ZNF839: variants seen among roughly 807,000 people sequenced by gnomAD.
ZNF839 encodes the protein renal carcinoma antigen NY-REN-50.
Under a neutral mutation model 56.4 loss-of-function variants are expected in ZNF839, and 38 were observed. The ratio of observed to expected loss-of-function variants is 0.67; its 90% CI spans 0.52 to 0.88. The LOEUF (loss-of-function observed/expected upper bound fraction) is 0.88, where lower values mean the gene tolerates loss of function less well. ZNF839 is among the 40% of genes least tolerant of loss of function. The pLI is 0.00. For synonymous variants in ZNF839, 486 were observed against 493.5 expected (o/e 0.98, Z 0.20); for missense variants, 1,091 against 1,177.6 (o/e 0.93, Z 1.08).
At position 102,338,858 on chromosome 14, in the gene ZNF839, G is replaced by T; in HGVS notation, c.1702G>T (p.Glu568Ter). ...AATCACAGAATTCCTACGGAAGAAA[G>T]AAATACACCCAGACAACCTTGGACC... is the stretch of plus-strand genomic sequence containing the variant. The part of the protein sequence containing the change: ...LGITEFLRKK[E>*]IHPDNLGPKH... The change falls in exon 6 of 8, where the codon GAA becomes TAA. Residue 568 changes from glutamate (E) to a stop codon, truncating the protein, a stop_gained. Transcript: ENST00000442396. LOFTEE classifies it high-confidence loss of function. 2 of 1,613,924 alleles carry T rather than the reference G, an allele frequency of 1.2e-6. No individual in the cohort carries two copies. The highest frequency in any genetic ancestry group is 2.2e-5 in the South Asian group (2 of 91,086).
chr14:102,326,835 A>T lies in ZNF839; in HGVS notation c.1139A>T (p.Glu380Val). 6.2e-7 allele frequency: 1 copy of T among 1,610,410 alleles called. No homozygotes were observed. The highest frequency in any genetic ancestry group is 8.5e-7 in the Non-Finnish European group (1 of 1,178,134). ...CTGTCCATGCCAGCGGATCCATGTG[A>T]GGGAGGGGCCCGCTCCTGCTTGGTG... Reference protein sequence around the residue: ...LGLSMPADPCEGGARSCLVTE... With the variant: ...LGLSMPADPCVGGARSCLVTE... The change falls in exon 2 of 8, where the codon GAG (glutamate) becomes GTG (valine). Residue 380 changes from glutamate (E) to valine (V), a missense_variant. Transcript: ENST00000442396. This position sits in a 1 kb window ranked among gnomAD's most constrained non-coding sequence, Gnocchi z 4.3.
chr14:102,334,253 C>T lies in ZNF839; in HGVS notation c.1417-301C>T, dbSNP rs570687252. On this transcript the variant is annotated intron_variant, in intron 3 of 7. Transcript: ENST00000442396. ...TGTGCCACCCCCTCACCTGAGTATG[C>T]GGCGCAGCCTGGGTGAGTCCTGGAG... is the stretch of plus-strand genomic sequence containing the variant. Among the ~76,000 whole-genome samples the T allele has an allele frequency of 1.2e-4, 18 of 152,370 alleles. No individual in the cohort carries two copies. In the South Asian group the frequency reaches 2.9e-3, roughly 25 times the overall value.
Position 102,335,720 on chromosome 14 carries a change from T to C in ZNF839, c.1541T>C (p.Phe514Ser). 6.3e-7 allele frequency: 1 copy of C among 1,598,504 alleles called. No homozygotes were observed. The highest frequency in any genetic ancestry group is 8.5e-7 in the Non-Finnish European group (1 of 1,179,186). ...VEKDHLAKPF[F>S]PAIYKEFEEL... ...AAAGATCATCTAGCAAAGCCTTTTT[T>C]CCCAGCTATATATAAGGAATTTGAA... Residue 514 changes from phenylalanine to serine, a missense_variant, in exon 5 of 8, where the codon TTC becomes TCC. Physicochemically the swap from Phe to Ser is radical, Grantham distance 155. Around this residue, in one of 3 missense-constraint regions of ZNF839, gnomAD observed 46 missense variants for 80.4 expected, o/e 0.57. Coordinates refer to ENST00000442396, the MANE Select transcript of ZNF839 (RefSeq NM_018335.6).
chr14:102,335,697 A>T lies in ZNF839; in HGVS notation c.1518A>T (p.Lys506Asn), dbSNP rs1245128867. 1 of 1,593,358 alleles carries T rather than the reference A, an allele frequency of 6.3e-7. No homozygotes were observed. The highest frequency in any genetic ancestry group is 8.5e-7 in the Non-Finnish European group (1 of 1,177,630). ...TCTTTATCTTCACGAAGGTTGAAAA[A>T]GATCATCTAGCAAAGCCTTTTTTCC... ...VYEFLLMKVEKDHLAKPFFPA... is the reference protein window; with the variant it reads ...VYEFLLMKVENDHLAKPFFPA... Residue 506 changes from lysine to asparagine, a missense_variant, in exon 5 of 8, where the codon AAA becomes AAT. Physicochemically the swap from Lys to Asn is moderately conservative, Grantham distance 94. Coordinates refer to ENST00000442396, the MANE Select transcript of ZNF839 (RefSeq NM_018335.6).
At chr14:102,318,373 C>G (rs1433723807), upstream of ZNF839, among the ~76,000 whole-genome samples, 1 of 152,162 alleles carries the variant, frequency 6.6e-6, no homozygotes, top group Non-Finnish European at 1.5e-5. Context: ...TGGCTCACAC[C>G]TGTAATCTCA....
intron 1 of ZNF839, among the ~76,000 whole-genome samples, chr14:102,324,426 A>C (rs1215607770): frequency 2.0e-5 from 3 of 152,096 alleles, no homozygotes; most frequent in African/African-American, 7.2e-5. Context: ...GCCTGTAATC[A>C]GGGCTACTCA....
At chr14:102,331,076 A>G (rs1567290960) in intron 2 of ZNF839, among the ~76,000 whole-genome samples, 2 of 152,130 alleles carry the variant, frequency 1.3e-5, no homozygotes, top group East Asian at 1.9e-4. Flanking sequence ...TGGTTACACA[A>G]TTTCGCGAAT....
In ZNF839 at chr14:102,334,631, G is replaced by A; in HGVS notation, c.1494G>A (p.Glu498=). Reference sequence around the variant, plus strand: ...TGGCTCAGGTTGTGACCGTGTATGAGTTTCTTCTGATGAAGGTGAGTACTC... The same window carrying A: ...TGGCTCAGGTTGTGACCGTGTATGAATTTCTTCTGATGAAGGTGAGTACTC... The part of the protein sequence containing the change: ...PQLAQVVTVY[E]FLLMKVEKDH... Residue 498 remains glutamate, a synonymous_variant, in exon 4 of 8, where the codon GAG becomes GAA. Coordinates refer to ENST00000442396, the MANE Select transcript of ZNF839 (RefSeq NM_018335.6). The A allele has an allele frequency of 1.2e-6, 2 of 1,611,942 alleles. No homozygotes were observed. Among genetic ancestry groups the A allele is most frequent in the Non-Finnish European group, 1.7e-6 (2 of 1,178,650 alleles).
At chr14:102,341,216 T>C in intron 7 of ZNF839, 107 bp from the exon 8 acceptor site, 1 of 1,361,354 alleles carries the variant, frequency 7.3e-7, no homozygotes, top group Non-Finnish European at 9.6e-7. Context: ...ATGCTTTGAC[T>C]TTTCTGCAGG....
chr14:102,336,195 A>C (rs2074007072), intron 5 of ZNF839, among the ~76,000 whole-genome samples: 1 of 151,800 alleles, frequency 6.6e-6, no homozygotes, highest in South Asian at 2.1e-4. Context: ...ACAAAACCAA[A>C]AAAAAAAAAA....
chr14:102,328,375 A>AAAAAATATATATATAT (rs1197718891), intron 2 of ZNF839, among the ~76,000 whole-genome samples: 2 of 16,344 alleles, frequency 1.2e-4, no homozygotes, highest in Non-Finnish European at 2.7e-4. Flanking sequence ...AAAAAAAAAA[A>AAAAAATATATATATAT]ATATATATAT....
chr14:102,320,162 C>T (rs1442272268), intron 1 of ZNF839, 109 bp downstream of exon 1: 2 of 1,040,698 alleles, frequency 1.9e-6, no homozygotes, highest in East Asian at 7.4e-5. Flanking sequence ...GGTTAAGACT[C>T]AGGGCGTCCC....
rs1375860658 is a variant in ZNF839 at position 102,331,788 on chromosome 14, G to T, written c.1358G>T (p.Gly453Val). ...LQQRRAAQLP[G>V]GPAAAGEQRA... The stretch of plus-strand genomic sequence containing the variant: ...CAGAGAAGAGCTGCTCAGCTACCTG[G>T]TGGCCCTGCTGCGGCAGGGGAGCAG... Residue 453 changes from glycine (G) to valine (V), a missense_variant, in exon 3 of 8, where the codon GGT (glycine) becomes GTT (valine). Physicochemically the swap from Gly to Val is moderately radical, Grantham distance 109. Coordinates refer to ENST00000442396, the MANE Select transcript of ZNF839 (RefSeq NM_018335.6). 3 of 1,597,078 alleles carry T rather than the reference G, an allele frequency of 1.9e-6. 1 individual carries two copies. In the South Asian group the frequency reaches 3.4e-5, roughly 18 times the overall value.
rs1327852528 is a variant in ZNF839, at chr14:102,342,128, C to G, written c.2733C>G (p.Asp911Glu). The G allele has an allele frequency of 6.2e-7, 1 of 1,613,838 alleles. No homozygotes were observed. Among genetic ancestry groups the G allele is most frequent in the Non-Finnish European group, 8.5e-7 (1 of 1,179,862 alleles). The change falls in exon 8 of 8, where the codon GAC becomes GAG. Residue 911 changes from aspartate (D) to glutamate (E), a missense_variant. By Grantham distance (45) the Asp-to-Glu change is conservative. Around this residue, in one of 3 missense-constraint regions of ZNF839, gnomAD observed 431 missense variants for 468.0 expected, o/e 0.92. Coordinates refer to ENST00000442396, the MANE Select transcript of ZNF839 (RefSeq NM_018335.6). ...GTACAATAGTGTCTCAGGAGGAGGA[C>G]ATTGTCACAGTGACTGATGCAGAGG... ...PPGTIVSQEEDIVTVTDAEGR... is the reference protein window; with the variant it reads ...PPGTIVSQEEEIVTVTDAEGR...
At chr14:102,320,675 C>T (rs1022371589) in intron 1 of ZNF839, among the ~76,000 whole-genome samples, 8 of 152,190 alleles carry the variant, frequency 5.3e-5, no homozygotes, top group African/African-American at 1.9e-4. Flanking sequence ...TGATTTGTAA[C>T]CGCAGTACCC....
At chr14:102,334,257 G>A (rs756407528) in intron 3 of ZNF839, among the ~76,000 whole-genome samples, 36 of 152,188 alleles carry the variant, frequency 2.4e-4, no homozygotes, top group Admixed American at 9.2e-4. Flanking sequence ...AGTATGCGGC[G>A]CAGCCTGGGT....
Position 102,326,244 on chromosome 14 carries a change from C to T in ZNF839, c.548C>T (p.Pro183Leu). 6.2e-7 allele frequency: 1 copy of T among 1,613,914 alleles called. No homozygotes were observed. Among genetic ancestry groups the T allele is most frequent in the Non-Finnish European group, 8.5e-7 (1 of 1,179,864 alleles). Residue 183 changes from proline (P) to leucine (L), a missense_variant, in exon 2 of 8, where the codon CCA (proline) becomes CTA (leucine). Transcript: ENST00000442396. This position sits in a 1 kb window ranked among gnomAD's most constrained non-coding sequence, Gnocchi z 4.3. Reference protein sequence around the residue: ...PAQGFVQRPLPALQVVPAKRV... With the variant: ...PAQGFVQRPLLALQVVPAKRV... ...CAGGGGTTTGTACAGAGACCACTGC[C>T]AGCCCTCCAGGTGGTCCCTGCAAAG...
chr14:102,320,347 C>T (rs1318139238), intron 1 of ZNF839, among the ~76,000 whole-genome samples: 2 of 152,214 alleles, frequency 1.3e-5, no homozygotes, highest in African/African-American at 2.4e-5. Flanking sequence ...CTCCCTAGCT[C>T]TTCTTACAGG....
At chr14:102,327,741 C>T (rs2073494847) in intron 2 of ZNF839, among the ~76,000 whole-genome samples, 1 of 152,178 alleles carries the variant, frequency 6.6e-6, no homozygotes, top group Non-Finnish European at 1.5e-5. Context: ...TCTGAGACCC[C>T]CACGTTGTCT....
Sources: allele counts gnomAD v4.1 joint callset (sites outside exome capture counted in the v4.1 genomes callset), GRCh38; gene constraint gnomAD v4.1.1; regional missense constraint gnomAD v4.1.1; non-coding constraint Gnocchi (gnomAD v3.1); transcripts MANE v1.5; gene names NCBI Gene and HGNC (gene_info 2026-07-23, HGNC 2026-07-21).